IPO11: variants seen among roughly 807,000 people sequenced by gnomAD.
IPO11 encodes the protein importin-11.
In IPO11, 66 loss-of-function variants were observed where a neutral mutation model predicts 143.2. That is an observed-to-expected ratio of 0.46 (90% confidence interval 0.38 to 0.57). IPO11 has a LOEUF of 0.57. IPO11 is among the 20% of genes least tolerant of loss of function. The probability of loss-of-function intolerance (pLI) is 0.00; values close to 1 mark genes in which losing one functional copy is unlikely to be tolerated. For missense variants in IPO11, 1,026 were observed against 1,141.0 expected (o/e 0.90, Z 1.45); for synonymous variants, 385 against 377.8 (o/e 1.02, Z -0.22).
At chr5:62,512,526 A>T in intron 19 of IPO11, 1 of 669,930 alleles carries the variant, frequency 1.5e-6, no homozygotes, top group Non-Finnish European at 2.7e-6. Flanking sequence ...GAATATTTAT[A>T]TCCCTAGAAC....
At chr5:62,424,735 C>A (rs180843376) in intron 1 of IPO11, among the ~76,000 whole-genome samples, 49 of 152,196 alleles carry the variant, frequency 3.2e-4, no homozygotes, top group African/African-American at 1.1e-3. Context: ...AGCCACCACA[C>A]CCAATCTGAA....
In IPO11 at chr5:62,474,412, C is replaced by G. The variant is rs781076408; in HGVS notation, c.709-4C>G. ...GAGATATTTAAAATAATATTCTTTT[C>G]TAGGGTTTTTTACATGGAATATTTG... On this transcript the variant is annotated splice_polypyrimidine_tract_variant and splice_region_variant and intron_variant, in intron 7 of 29. Coordinates refer to ENST00000325324, the MANE Select transcript of IPO11 (RefSeq NM_016338.5). 1.6e-5 allele frequency: 25 copies of G among 1,515,600 alleles called. No homozygotes were observed. Among genetic ancestry groups the G allele is most frequent in the Non-Finnish European group, 1.5e-5 (17 of 1,115,860 alleles). 93.9% of individuals were successfully genotyped at this position (1,515,600 alleles called of 1,614,324 possible).
In IPO11 at chr5:62,476,721, C is replaced by G. The variant is rs371460728; in HGVS notation, c.796C>G (p.Leu266Val). 4 of 1,517,688 alleles carry G rather than the reference C, an allele frequency of 2.6e-6. No homozygotes were observed. The highest frequency in any genetic ancestry group is 2.7e-6 in the Non-Finnish European group (3 of 1,130,944). The allele number at this position is 1,517,688 out of a possible 1,614,324, so 94.0% of individuals were successfully genotyped here. A position where few individuals can be genotyped will look rare whatever the true frequency, so the allele number is the denominator to read the frequency against. Residue 266 changes from leucine to valine, a missense_variant, in exon 9 of 30, where the codon CTG (leucine) becomes GTG (valine). Coordinates refer to ENST00000325324, the MANE Select transcript of IPO11 (RefSeq NM_016338.5). ...IGTDNVCRDRLEKTIILFTKV... is the reference protein window; with the variant it reads ...IGTDNVCRDRVEKTIILFTKV... Reference sequence around the variant, plus strand: ...TACAGATAATGTGTGTAGAGATAGACTGGAAAAGACCATCATTCTTTTTAC... The same window carrying G: ...TACAGATAATGTGTGTAGAGATAGAGTGGAAAAGACCATCATTCTTTTTAC...
intron 25 of IPO11, among the ~76,000 whole-genome samples, chr5:62,550,846 T>C (rs979674682): frequency 6.6e-6 from 1 of 151,660 alleles, no homozygotes; most frequent in Non-Finnish European, 1.5e-5. Context: ...TCCATGGACC[T>C]GTGTATGTTA....
At chr5:62,548,136 G>C (rs1295598832) in intron 24 of IPO11, among the ~76,000 whole-genome samples, 2 of 152,066 alleles carry the variant, frequency 1.3e-5, no homozygotes, top group Admixed American at 6.6e-5. Flanking sequence ...CAGTGTTTAC[G>C]TCATGATTCC....
chr5:62,485,466 A>C lies in IPO11; in HGVS notation c.1218+4A>C. On this transcript the variant is annotated splice_donor_region_variant and intron_variant, in intron 12 of 29. Transcript: ENST00000325324. Reference sequence around the variant, plus strand: ...TTCTTGGAAATATAGTTTGAGGGTAAGTATTAATTGCAAGAAAAATTGATA... The same window carrying C: ...TTCTTGGAAATATAGTTTGAGGGTACGTATTAATTGCAAGAAAAATTGATA... 1 of 1,603,636 alleles carries C rather than the reference A, an allele frequency of 6.2e-7. No individual in the cohort carries two copies. The highest frequency in any genetic ancestry group is 1.3e-5 in the African/African-American group (1 of 74,800).
At chr5:62,512,788 T>TA (rs1741806688) in intron 19 of IPO11, among the ~76,000 whole-genome samples, 1 of 149,570 alleles carries the variant, frequency 6.7e-6, no homozygotes, top group Non-Finnish European at 1.5e-5. Context: ...TGATGACTCT[T>TA]AACGCGCATG....
intron 5 of IPO11, among the ~76,000 whole-genome samples, chr5:62,463,609 T>C (rs1177935665): frequency 6.6e-6 from 1 of 151,284 alleles, no homozygotes; most frequent in Non-Finnish European, 1.5e-5. Flanking sequence ...AGATTGAGGC[T>C]GCAGTGAGCC....
chr5:62,466,983 A>G, intron 5 of IPO11, 148 bp from the exon 6 acceptor site: 5 of 747,654 alleles, frequency 6.7e-6, no homozygotes, highest in Non-Finnish European at 1.0e-5. Context: ...AAAAGTATGA[A>G]ACATTGCCAC....
intron 29 of IPO11, among the ~76,000 whole-genome samples, chr5:62,603,636 C>A (rs1289946671): frequency 6.6e-6 from 1 of 152,192 alleles, no homozygotes; most frequent in Non-Finnish European, 1.5e-5. Context: ...AATTTAAACA[C>A]GCCAGTTCAC....
chr5:62,465,866 A>G (rs1289509767), intron 5 of IPO11, among the ~76,000 whole-genome samples: 1 of 152,262 alleles, frequency 6.6e-6, no homozygotes, highest in East Asian at 1.9e-4. Flanking sequence ...CTTGTCTCAT[A>G]CACCAGAAAG....
chr5:62,625,728 C>A (rs986914971), intron 29 of IPO11, among the ~76,000 whole-genome samples: 1 of 152,188 alleles, frequency 6.6e-6, no homozygotes, highest in African/African-American at 2.4e-5. Context: ...AGCTTGGAGA[C>A]ATCAGCTTTT....
Position 62,506,355 on chromosome 5 carries a change from C to A in IPO11, c.1780C>A (p.Gln594Lys), listed in dbSNP as rs143108486. 6.0e-6 allele frequency: 9 copies of A among 1,508,714 alleles called. No individual in the cohort carries two copies. Among genetic ancestry groups the A allele is most frequent in the Non-Finnish European group, 8.3e-6 (9 of 1,088,176 alleles). 93.5% of individuals were successfully genotyped at this position (1,508,714 alleles called of 1,614,324 possible). The change falls in exon 19 of 30, where the codon CAG becomes AAG. Residue 594 changes from glutamine (Q) to lysine (K), a missense_variant and splice_region_variant. This residue lies in a region of IPO11 where 237 missense variants were observed against 288.0 expected (regional missense o/e 0.82). Transcript: ENST00000325324. ...TTGTGTGATCGAAAGAGTCAACATGCAGGTAATTATATTGTAAAACATGAA... is the reference window on the plus strand; with the variant it reads ...TTGTGTGATCGAAAGAGTCAACATGAAGGTAATTATATTGTAAAACATGAA... ...LSCVIERVNMQIRPYVGCLVQ... is the reference protein window; with the variant it reads ...LSCVIERVNMKIRPYVGCLVQ...
chr5:62,601,708 T>C, intron 28 of IPO11, 56 bp from the exon 29 acceptor site: 1 of 855,296 alleles, frequency 1.2e-6, no homozygotes, highest in Non-Finnish European at 1.7e-6. Flanking sequence ...GGACTTATTT[T>C]TAAGTGTATT....
rs1246109164 is a variant in IPO11 at position 62,517,920 on chromosome 5, A to G, written c.1896+2419A>G. Among the ~76,000 whole-genome samples, 10 of 152,276 alleles carry G rather than the reference A, an allele frequency of 6.6e-5. No individual in the cohort carries two copies. In the East Asian group the frequency reaches 1.7e-3, roughly 26 times the overall value. The stretch of plus-strand genomic sequence containing the variant: ...GCAAGGTTCAAACAAGTAGTATTCT[A>G]CCTTTCTTGGAGAAAGCATATAACA... On this transcript the variant is annotated intron_variant, in intron 20 of 29. Transcript: ENST00000325324.
chr5:62,544,192 CA>C (rs34713720), intron 24 of IPO11, among the ~76,000 whole-genome samples: 7,549 of 152,074 alleles, frequency 0.05, 301 homozygotes, highest in Non-Finnish European at 0.069. Context: ...AACATCAATG[CA>C]AAAATCCTCA....
intron 15 of IPO11, 131 bp downstream of exon 15, chr5:62,490,351 G>A: frequency 2.0e-6 from 1 of 499,030 alleles, no homozygotes; most frequent in Admixed American, 4.1e-5. Flanking sequence ...TGTCTTATGT[G>A]GAAAGGAATA....
At chr5:62,608,521 T>C (rs1213036038) in intron 29 of IPO11, among the ~76,000 whole-genome samples, 1 of 152,242 alleles carries the variant, frequency 6.6e-6, no homozygotes, top group Non-Finnish European at 1.5e-5. Flanking sequence ...ATTCTCATTC[T>C]ATCTCCTTCA....
intron 27 of IPO11, chr5:62,581,234 A>G: frequency 6.5e-7 from 1 of 1,543,680 alleles, no homozygotes; most frequent in Non-Finnish European, 8.7e-7. Context: ...GGCTTGGAGC[A>G]GATTCGACTT....
Sources: allele counts gnomAD v4.1 joint callset (sites outside exome capture counted in the v4.1 genomes callset), GRCh38; gene constraint gnomAD v4.1.1; regional missense constraint gnomAD v4.1.1; transcripts MANE v1.5; gene names NCBI Gene and HGNC (gene_info 2026-07-23, HGNC 2026-07-21).